ZNF91: variants seen among roughly 807,000 people sequenced by gnomAD.
ZNF91 encodes zinc finger protein 91, also known as zinc finger protein 91 (HPF7, HTF10).
A neutral mutation model predicts 12.6 loss-of-function variants in ZNF91; 7 were observed. The observed-to-expected ratio is 0.55, with a 90% CI of 0.31 to 1.04. ZNF91 has a LOEUF of 1.04. ZNF91 is among the 50% of genes least tolerant of loss of function. The probability of loss-of-function intolerance (pLI) is 0.05; values close to 1 mark genes in which losing one functional copy is unlikely to be tolerated. For synonymous variants in ZNF91, 453 were observed against 462.6 expected, an observed-to-expected ratio of 0.98 and a Z score of 0.27; for missense variants, 1,217 against 1,385.4, an observed-to-expected ratio of 0.88 and a Z score of 1.93.
rs78225554 is a variant in ZNF91, at chr19:23,373,294, T to C, written c.253+448A>G. 0.012 allele frequency among the ~76,000 whole-genome samples: 1,827 copies of C among 147,802 alleles called. 154 individuals carry two copies. The East Asian group carries it at 0.24, about 20-fold the overall frequency. Reference sequence around the variant, plus strand: ...CAGTCAAAAGAAAAATTTAAAGTCATTGAAATTGAAGACCAGTAAGTAAAA... The same window carrying C: ...CAGTCAAAAGAAAAATTTAAAGTCACTGAAATTGAAGACCAGTAAGTAAAA... On this transcript the variant is annotated intron_variant, in intron 3 of 3. Transcript: ENST00000300619.
intron 1 of ZNF91, among the ~76,000 whole-genome samples, chr19:23,375,542 C>T (rs751088325): frequency 6.6e-6 from 1 of 152,064 alleles, no homozygotes; most frequent in Non-Finnish European, 1.5e-5. Flanking sequence ...GAAATAAAGT[C>T]TGAATTACTG....
At chr19:23,384,653 C>T (rs765351741) in intron 1 of ZNF91, 41 of 638,396 alleles carry the variant, frequency 6.4e-5, no homozygotes, top group Non-Finnish European at 9.3e-5. Flanking sequence ...GCCATACCAT[C>T]CAAATCGGCA....
At chr19:23,390,176 C>T (rs1568405782) in intron 1 of ZNF91, among the ~76,000 whole-genome samples, 1 of 152,022 alleles carries the variant, frequency 6.6e-6, no homozygotes, top group African/African-American at 2.4e-5. Context: ...ATTAGCCAGG[C>T]ATGGTAGCAC....
intron 3 of ZNF91, among the ~76,000 whole-genome samples, chr19:23,368,554 C>CTATATATATA (rs1252006662): frequency 8.9e-5 from 9 of 101,428 alleles, no homozygotes; most frequent in African/African-American, 3.5e-4. Context: ...CTCTCTCTCT[C>CTATATATATA]TCTCTCTCTA....
intron 3 of ZNF91, among the ~76,000 whole-genome samples, chr19:23,348,792 CACAG>C (rs1392719442): frequency 4.6e-5 from 7 of 152,178 alleles, no homozygotes; most frequent in Non-Finnish European, 7.3e-5. Flanking sequence ...TTTTTCTTCT[CACAG>C]ACAGCCTATG....
intron 1 of ZNF91, among the ~76,000 whole-genome samples, chr19:23,376,390 T>C (rs888692379): frequency 5.9e-5 from 9 of 151,926 alleles, no homozygotes; most frequent in Non-Finnish European, 8.8e-5. Context: ...TTTTTTTTTT[T>C]TCTCTTTTTT....
intron 1 of ZNF91, among the ~76,000 whole-genome samples, chr19:23,316,132 G>A (rs1437937053): frequency 6.6e-6 from 1 of 150,798 alleles, no homozygotes; most frequent in Non-Finnish European, 1.5e-5. Flanking sequence ...AGAAGATTGT[G>A]ACATATCACT....
Position 23,360,694 on chromosome 19 carries a change from C to A in ZNF91, c.2285G>T (p.Arg762Ile). 2 of 1,613,146 alleles carry A rather than the reference C, an allele frequency of 1.2e-6. No homozygotes were observed. Among genetic ancestry groups the A allele is most frequent in the Non-Finnish European group, 1.7e-6 (2 of 1,179,724 alleles). ...NWSSSLTKHK[R>I]IHTREKPFKC... Reference sequence around the variant, plus strand: ...GAAGGGTTTCTCTCTAGTATGAATTCTTTTATGTTTAGTAAGGCTTGAGGA... The same window carrying A: ...GAAGGGTTTCTCTCTAGTATGAATTATTTTATGTTTAGTAAGGCTTGAGGA... The change falls in exon 4 of 4, where the codon AGA becomes ATA. Residue 762 changes from arginine to isoleucine, a missense_variant. Coordinates refer to ENST00000300619, the MANE Select transcript of ZNF91 (RefSeq NM_003430.4).
intron 3 of ZNF91, chr19:23,306,856 T>C (rs141713188): frequency 3.7e-4 from 57 of 152,308 alleles, no homozygotes; most frequent in African/African-American, 1.3e-3. Context: ...AGTGGCGTGA[T>C]CTTTGCTTAC....
At chr19:23,349,984 A>G (rs1968324160) in intron 3 of ZNF91, among the ~76,000 whole-genome samples, 2 of 152,318 alleles carry the variant, frequency 1.3e-5, no homozygotes, top group African/African-American at 4.8e-5. Flanking sequence ...GCACTCCCAT[A>G]TATACTCTAA....
chr19:23,393,570 G>A (rs1342975677), intron 1 of ZNF91, among the ~76,000 whole-genome samples: 3 of 151,988 alleles, frequency 2.0e-5, no homozygotes, highest in African/African-American at 7.3e-5. Flanking sequence ...TGCGTCTAGG[G>A]AAAATAGACG....
intron 3 of ZNF91, chr19:23,306,966 T>A (rs1406883300): frequency 1.3e-5 from 2 of 152,154 alleles, no homozygotes. Flanking sequence ...AATTTTTGTA[T>A]TTTTAGTAGA....
chr19:23,354,416 T>C (rs1178796366), downstream of ZNF91, among the ~76,000 whole-genome samples: 1 of 152,100 alleles, frequency 6.6e-6, no homozygotes, highest in Admixed American at 6.6e-5. Flanking sequence ...ATATTTAGCA[T>C]CCCTTTATGA....
rs1365737162 is a variant in ZNF91, at chr19:23,359,143, TTA to T, written c.*258_*259del. ...GAGTTTTACTCCAGTATGAATTACC[TTA>T]TGTTTAGTAAAGGTTGAAGACCGGT... On this transcript the variant is annotated 3_prime_UTR_variant, in exon 4 of 4. Transcript: ENST00000300619. 1 of 536,502 alleles carries T rather than the reference TTA, an allele frequency of 1.9e-6. No individual in the cohort carries two copies. Among genetic ancestry groups the T allele is most frequent in the African/African-American group, 1.9e-5 (1 of 52,118 alleles). 33.2% of individuals were successfully genotyped at this position (536,502 alleles called of 1,614,324 possible).
rs967383794 is a variant in ZNF91, at chr19:23,359,413, A to G, written c.3566T>C (p.Leu1189Pro). The G allele has an allele frequency of 8.8e-7, 1 of 1,135,550 alleles. No individual in the cohort carries two copies. Among genetic ancestry groups the G allele is most frequent in the Admixed American group, 2.2e-5 (1 of 46,188 alleles). 70.3% of individuals were successfully genotyped at this position (1,135,550 alleles called of 1,614,324 possible). ...AATTTTTTGTATTTTTTAGTAGAGAAGGGGTTTCACTGTGTTAGCCAGGAT... is the reference window on the plus strand; with the variant it reads ...AATTTTTTGTATTTTTTAGTAGAGAGGGGGTTTCACTGTGTTAGCCAGGAT... ...ETILANTVKP[L>P]LY Residue 1189 changes from leucine (L) to proline (P), a missense_variant, in exon 4 of 4, where the codon CTT becomes CCT. Transcript: ENST00000300619.
intron 3 of ZNF91, among the ~76,000 whole-genome samples, chr19:23,344,950 G>C (rs78877890): frequency 0.01 from 1,533 of 152,314 alleles, 22 homozygotes; most frequent in African/African-American, 0.034. Flanking sequence ...TCGCCTGTCT[G>C]TGCATGCCCC....
intron 3 of ZNF91, among the ~76,000 whole-genome samples, chr19:23,367,469 C>T (rs568304540): frequency 1.2e-4 from 18 of 152,164 alleles, no homozygotes; most frequent in Non-Finnish European, 2.4e-4. Flanking sequence ...ATTAATTTTT[C>T]AAAGATGTCA....
At chr19:23,315,620 T>G (rs1568365082), upstream of ZNF91, among the ~76,000 whole-genome samples, 2 of 151,970 alleles carry the variant, frequency 1.3e-5, no homozygotes, top group Admixed American at 1.3e-4. Flanking sequence ...TTGTGACATA[T>G]TGCCTGGTGC....
intron 3 of ZNF91, among the ~76,000 whole-genome samples, chr19:23,349,124 A>G (rs1392773195): frequency 6.6e-6 from 1 of 152,122 alleles, no homozygotes; most frequent in Non-Finnish European, 1.5e-5. Flanking sequence ...CTCATTGGTA[A>G]TTCTAATTTT....
Sources: allele counts gnomAD v4.1 joint callset (sites outside exome capture counted in the v4.1 genomes callset), GRCh38; gene constraint gnomAD v4.1.1; transcripts MANE v1.5; gene names NCBI Gene and HGNC (gene_info 2026-07-23, HGNC 2026-07-21).